The following IRS4 variants were observed in gnomAD, a reference collection of about 807,000 sequenced individuals.
IRS4 encodes 160 kDa phosphotyrosine protein.
IRS4 carries 15 observed loss-of-function variants against 48.6 expected under a neutral mutation model. The observed-to-expected ratio is 0.31, with a 90% CI of 0.21 to 0.48. The LOEUF (loss-of-function observed/expected upper bound fraction) is 0.48, where lower values mean the gene tolerates loss of function less well. Among genes scored for constraint, IRS4 ranks in the 20% least tolerant of loss-of-function variants. IRS4 has a pLI of 0.99. For synonymous variants in IRS4, 459 were observed against 413.2 expected (o/e 1.11, Z -1.34); for missense variants, 987 against 1,023.4 (o/e 0.96, Z 0.49).
rs1317751364 is a variant in IRS4 at position 108,720,596 on chromosome X, C to CT, written c.*1922dup. 8.9e-6 allele frequency: 1 copy of CT among 111,747 alleles called. No individual in the cohort carries two copies. The highest frequency in any genetic ancestry group is 3.7e-4 in the South Asian group (1 of 2,672). The allele number at this position is 111,747 out of a possible 1,213,427, so 9.2% of individuals were successfully genotyped here. On this transcript the variant is annotated 3_prime_UTR_variant, in exon 2 of 2. Coordinates refer to ENST00000372129, the MANE Select transcript of IRS4 (RefSeq NM_001379150.1). ...GATACAGTATTTTCCCCCAAGTAAT[C>CT]TTTTTTCCCACAATTCTGAACAATT...
chrX:108,722,578 T>C, intron 1 of IRS4, 55 bp from the exon 2 acceptor site: 1 of 314,479 alleles, frequency 3.2e-6, no homozygotes, highest in South Asian at 2.9e-5. Context: ...TGGAGAGCTG[T>C]CACCCCCACC....
intron 1 of IRS4, among the ~76,000 whole-genome samples, chrX:108,725,166 C>G (rs2068868998): frequency 9.0e-6 from 1 of 111,223 alleles, no homozygotes; most frequent in Admixed American, 9.6e-5. Flanking sequence ...TTTCAGACCT[C>G]TTTATATGAA....
rs370554029 is a variant in IRS4 at position 108,733,647 on chromosome X, T to C, written c.2698A>G (p.Lys900Glu). 26 of 1,211,955 alleles carry C rather than the reference T, an allele frequency of 2.1e-5. No individual in the cohort carries two copies. The highest frequency in any genetic ancestry group is 2.8e-5 in the Non-Finnish European group (25 of 895,602). Residue 900 changes from lysine (K) to glutamate (E), a missense_variant, in exon 1 of 2, where the codon AAA becomes GAA. This residue lies in a region of IRS4 where 720 missense variants were observed against 660.3 expected (regional missense o/e 1.09). Coordinates refer to ENST00000372129, the MANE Select transcript of IRS4 (RefSeq NM_001379150.1). ...NRLSFITKGY[K>E]IKPKPQKPTH... is the part of the protein sequence containing the mutation. Reference sequence around the variant, plus strand: ...GGCTTTTGTGGTTTTGGCTTGATTTTATATCCTTTTGTAATAAAAGAAAGT... The same window carrying C: ...GGCTTTTGTGGTTTTGGCTTGATTTCATATCCTTTTGTAATAAAAGAAAGT...
chrX:108,729,420 T>A (rs1425816953), intron 1 of IRS4, among the ~76,000 whole-genome samples: 1 of 110,661 alleles, frequency 9.0e-6, no homozygotes, highest in East Asian at 2.8e-4. Context: ...AGGAAAATGT[T>A]CACCTCAAGT....
At position 108,732,481 on chromosome X, in the gene IRS4, G is replaced by T. The variant is rs1304219372; in HGVS notation, c.3766+98C>A. 14 of 1,183,383 alleles carry T rather than the reference G, an allele frequency of 1.2e-5. No individual in the cohort carries two copies. The Admixed American group carries it at 3.1e-4, about 26-fold the overall frequency. Reference sequence around the variant, plus strand: ...CTATACTCCATGTCGAATAGCACCAGTTAATGAAATAGTATCCCTAACACT... The same window carrying T: ...CTATACTCCATGTCGAATAGCACCATTTAATGAAATAGTATCCCTAACACT... On this transcript the variant is annotated intron_variant, in intron 1 of 1. Transcript: ENST00000372129.
In IRS4 at chrX:108,730,342, C is replaced by T. The variant is rs572962087; in HGVS notation, c.3766+2237G>A. Among the ~76,000 whole-genome samples, 324 of 104,122 alleles carry T rather than the reference C, an allele frequency of 3.1e-3. 1 individual carries two copies. Among genetic ancestry groups the T allele is most frequent in the Middle Eastern group, 0.029 (6 of 207 alleles). The allele number at this position is 104,122 out of a possible 115,157, so 90.4% of individuals were successfully genotyped here. On this transcript the variant is annotated intron_variant, in intron 1 of 1. Transcript: ENST00000372129. ...CACCACCCCCACCCCCGCACCCCCCCGCCGGCAATCCCCACCATTCCTTTC... is the reference window on the plus strand; with the variant it reads ...CACCACCCCCACCCCCGCACCCCCCTGCCGGCAATCCCCACCATTCCTTTC...
Position 108,732,612 on chromosome X carries a change from T to C in IRS4, c.3733A>G (p.Arg1245Gly). ...GGAGAGTCGAACTGATTATCACGTCTGGCAAAATCCATTCTCACGTGAGTG... is the reference window on the plus strand; with the variant it reads ...GGAGAGTCGAACTGATTATCACGTCCGGCAAAATCCATTCTCACGTGAGTG... ...DDTHVRMDFA[R>G]RDNQFDSPKR... Residue 1245 changes from arginine to glycine, a missense_variant, in exon 1 of 2, where the codon AGA becomes GGA. This residue lies in a region of IRS4 where 720 missense variants were observed against 660.3 expected (regional missense o/e 1.09). Coordinates refer to ENST00000372129, the MANE Select transcript of IRS4 (RefSeq NM_001379150.1). 1 of 1,211,895 alleles carries C rather than the reference T, an allele frequency of 8.3e-7. No homozygotes were observed. Among genetic ancestry groups the C allele is most frequent in the Non-Finnish European group, 1.1e-6 (1 of 895,535 alleles).
chrX:108,725,460 CA>C (rs397968164), intron 1 of IRS4, among the ~76,000 whole-genome samples: 168 of 59,777 alleles, frequency 2.8e-3, no homozygotes, highest in East Asian at 0.015. Context: ...AGTAAAGCAC[CA>C]AAAAAAAAAA....
intron 1 of IRS4, chrX:108,725,080 C>T (rs997891425): frequency 4.5e-5 from 5 of 111,030 alleles, no homozygotes; most frequent in East Asian, 2.8e-4. Context: ...ATCTTTAATA[C>T]GCTAATAATG....
At chrX:108,729,288 GT>G (rs11403667) in intron 1 of IRS4, among the ~76,000 whole-genome samples, 1 of 101,628 alleles carries the variant, frequency 9.8e-6, no homozygotes, top group Non-Finnish European at 2.0e-5. Flanking sequence ...AATTACTAAA[GT>G]TTTTTTTTTT....
intron 1 of IRS4, chrX:108,726,821 A>G (rs2068878550): frequency 8.9e-6 from 1 of 112,339 alleles, no homozygotes; most frequent in Non-Finnish European, 1.9e-5. Context: ...CCATGAAAAT[A>G]GCTTTAAACA....
At position 108,733,182 on chromosome X, in the gene IRS4, A is replaced by G; in HGVS notation, c.3163T>C (p.Cys1055Arg). Reference protein sequence around the residue: ...IYVVDPFSECCMDISLSPSRC... With the variant: ...IYVVDPFSECRMDISLSPSRC... ...CTGGGGGAGAGAGAAATATCCATAC[A>G]GCACTCAGAAAATGGGTCGACCACA... is the stretch of plus-strand genomic sequence containing the variant. The change falls in exon 1 of 2, where the codon TGT (cysteine) becomes CGT (arginine). Residue 1055 changes from cysteine (C) to arginine (R), a missense_variant. Physicochemically the swap from Cys to Arg is radical, Grantham distance 180. This residue lies in a region of IRS4 where 720 missense variants were observed against 660.3 expected (regional missense o/e 1.09). Transcript: ENST00000372129. 1.7e-6 allele frequency: 2 copies of G among 1,211,707 alleles called. No homozygotes were observed. The highest frequency in any genetic ancestry group is 1.1e-6 in the Non-Finnish European group (1 of 895,359).
Position 108,734,202 on chromosome X carries a change from T to A in IRS4, c.2143A>T (p.Ser715Cys). 1 of 1,211,240 alleles carries A rather than the reference T, an allele frequency of 8.3e-7. No individual in the cohort carries two copies. The highest frequency in any genetic ancestry group is 1.1e-6 in the Non-Finnish European group (1 of 895,399). Residue 715 changes from serine to cysteine, a missense_variant, in exon 1 of 2, where the codon AGT (serine) becomes TGT (cysteine). Around this residue, in one of 4 missense-constraint regions of IRS4, gnomAD observed 720 missense variants for 660.3 expected, o/e 1.09. Transcript: ENST00000372129. ...TGAGGAGCCATTGGCATATAATCAC[T>A]GGAGCTTACAAGAGGGGTGGCCACC... is the stretch of plus-strand genomic sequence containing the variant. ...PGVATPLVSS[S>C]DYMPMAPQNV...
chrX:108,735,512 T>C lies in IRS4; in HGVS notation c.833A>G (p.Gln278Arg), dbSNP rs766655448. The C allele has an allele frequency of 3.3e-6, 4 of 1,208,071 alleles. No individual in the cohort carries two copies. Among genetic ancestry groups the C allele is most frequent in the Non-Finnish European group, 4.5e-6 (4 of 894,749 alleles). Residue 278 changes from glutamine to arginine, a missense_variant, in exon 1 of 2, where the codon CAG (glutamine) becomes CGG (arginine). Physicochemically the swap from Gln to Arg is conservative, Grantham distance 43 (BLOSUM62 1). Coordinates refer to ENST00000372129, the MANE Select transcript of IRS4 (RefSeq NM_001379150.1). ...LNTEVASVVV[Q>R]LLSIRRCGHS... Reference sequence around the variant, plus strand: ...TCCACAGCGACGGATGCTCAGGAGCTGGACGACCACGCTGGCCACTTCGGT... The same window carrying C: ...TCCACAGCGACGGATGCTCAGGAGCCGGACGACCACGCTGGCCACTTCGGT...
At position 108,733,445 on chromosome X, in the gene IRS4, G is replaced by A; in HGVS notation, c.2900C>T (p.Pro967Leu). 1 of 1,211,429 alleles carries A rather than the reference G, an allele frequency of 8.3e-7. No homozygotes were observed. Among genetic ancestry groups the A allele is most frequent in the Non-Finnish European group, 1.1e-6 (1 of 895,322 alleles). Residue 967 changes from proline (P) to leucine (L), a missense_variant, in exon 1 of 2, where the codon CCA becomes CTA. Pro to Leu is a moderately conservative substitution (Grantham distance 98). Coordinates refer to ENST00000372129, the MANE Select transcript of IRS4 (RefSeq NM_001379150.1). ...SNYVNVEFGV[P>L]FPNPANDLSD... ...GAGGTCGTTTGCTGGATTTGGAAAT[G>A]GCACTCCAAACTCAACATTCACATA...
At position 108,733,609 on chromosome X, in the gene IRS4, C is replaced by G; in HGVS notation, c.2736G>C (p.Gln912His). The G allele has an allele frequency of 8.2e-7, 1 of 1,212,139 alleles. No homozygotes were observed. The highest frequency in any genetic ancestry group is 1.8e-5 in the South Asian group (1 of 57,032). The change falls in exon 1 of 2, where the codon CAG becomes CAC. Residue 912 changes from glutamine to histidine, a missense_variant. Coordinates refer to ENST00000372129, the MANE Select transcript of IRS4 (RefSeq NM_001379150.1). ...KPKPQKPTHEQREADSSSDYV... is the reference protein window; with the variant it reads ...KPKPQKPTHEHREADSSSDYV... ...AGTCACTAGAGCTGTCAGCTTCTCT[C>G]TGCTCATGTGTGGGCTTTTGTGGTT...
rs1026947966 is a variant in IRS4, at chrX:108,721,537, A to C, written c.*982T>G. ...AAACACTAATTTCTTGAATATGGGA[A>C]ATTGATCTCTTTATAGTAGCCATGG... On this transcript the variant is annotated 3_prime_UTR_variant, in exon 2 of 2. Coordinates refer to ENST00000372129, the MANE Select transcript of IRS4 (RefSeq NM_001379150.1). 2.7e-5 allele frequency: 3 copies of C among 111,019 alleles called. No homozygotes were observed. The Admixed American group carries it at 2.9e-4, about 11-fold the overall frequency. 9.1% of individuals were successfully genotyped at this position (111,019 alleles called of 1,213,427 possible).
chrX:108,734,872 G>T lies in IRS4; in HGVS notation c.1473C>A (p.Asn491Lys), dbSNP rs138444058. The T allele has an allele frequency of 2.1e-5, 26 of 1,210,262 alleles. No homozygotes were observed. The East Asian group carries it at 5.9e-4, about 28-fold the overall frequency. ...CCCGGCCATTTCCTGAGCCCCAATT[G>T]TTCATAGGCATGTAGTCACCTCCGC... ...EGSGGDYMPM[N>K]NWGSGNGRGS... Residue 491 changes from asparagine to lysine, a missense_variant, in exon 1 of 2, where the codon AAC becomes AAA. Asn to Lys is a moderately conservative substitution (Grantham distance 94). Coordinates refer to ENST00000372129, the MANE Select transcript of IRS4 (RefSeq NM_001379150.1).
Position 108,736,472 on chromosome X carries a change from CCCACT to C in IRS4, c.-133_-129del, listed in dbSNP as rs1227591011. The C allele has an allele frequency of 1.9e-6, 2 of 1,045,656 alleles. No individual in the cohort carries two copies. The highest frequency in any genetic ancestry group is 2.7e-5 in the Admixed American group (1 of 37,058). 86.2% of individuals were successfully genotyped at this position (1,045,656 alleles called of 1,213,427 possible). On this transcript the variant is annotated 5_prime_UTR_variant, in exon 1 of 2. Coordinates refer to ENST00000372129, the MANE Select transcript of IRS4 (RefSeq NM_001379150.1). ...CCTCCTGCCTTGGCCCGCGCCCCCG[CCCACT>C]CCACTCTGAGCGCACGACAGCGGGC...
Sources: allele counts gnomAD v4.1 joint callset (sites outside exome capture counted in the v4.1 genomes callset), GRCh38; gene constraint gnomAD v4.1.1; regional missense constraint gnomAD v4.1.1; transcripts MANE v1.5; gene names NCBI Gene and HGNC (gene_info 2026-07-23, HGNC 2026-07-21).